Variants in TCF12 observed in about 807,000 individuals in gnomAD.
TCF12 encodes the protein DNA-binding protein HTF4.
A neutral mutation model predicts 86.0 loss-of-function variants in TCF12; 45 were observed. The ratio of observed to expected loss-of-function variants is 0.52; its 90% CI spans 0.41 to 0.67. The LOEUF (loss-of-function observed/expected upper bound fraction) is 0.67. Ranked by LOEUF, TCF12 falls within the 30% of genes least tolerant of loss-of-function variation. TCF12 has a pLI of 0.00. For missense variants in TCF12, 881 were observed against 859.9 expected (o/e 1.02, Z -0.31); for synonymous variants, 330 against 299.6 (o/e 1.10, Z -1.05).
At position 56,919,826 on chromosome 15, in the gene TCF12, C is replaced by G. The variant is rs778428257; in HGVS notation, c.-22-66C>G. The G allele has an allele frequency of 2.8e-6, 4 of 1,436,450 alleles. No individual in the cohort carries two copies. The Admixed American group carries it at 7.2e-5, about 26-fold the overall frequency. The allele number at this position is 1,436,450 out of a possible 1,614,324, so 89.0% of individuals were successfully genotyped here. A position where few individuals can be genotyped will look rare whatever the true frequency, so the allele number is the denominator to read the frequency against. ...TCTTGCGTAATCTTCCCCAGTACCTCTCTCTGTTCCCTCACACACTTTGGG... is the reference window on the plus strand; with the variant it reads ...TCTTGCGTAATCTTCCCCAGTACCTGTCTCTGTTCCCTCACACACTTTGGG... On this transcript the variant is annotated intron_variant, in intron 1 of 20. Coordinates refer to ENST00000333725, the MANE Select transcript of TCF12 (RefSeq NM_207037.2).
intron 3 of TCF12, among the ~76,000 whole-genome samples, chr15:56,981,242 A>C (rs1350794817): frequency 2.0e-5 from 3 of 152,220 alleles, no homozygotes; most frequent in African/African-American, 4.8e-5. Flanking sequence ...AAGAACAGAA[A>C]TGTATTCTTT....
At chr15:57,128,930 A>G (rs537548519) in intron 5 of TCF12, among the ~76,000 whole-genome samples, 53 of 152,288 alleles carry the variant, frequency 3.5e-4, no homozygotes, top group African/African-American at 1.2e-3. Flanking sequence ...TTATCTGTTC[A>G]TCAGTTGACT....
chr15:57,024,755 A>G (rs1462877149), intron 3 of TCF12, among the ~76,000 whole-genome samples: 1 of 152,214 alleles, frequency 6.6e-6, no homozygotes, highest in Admixed American at 6.5e-5. Context: ...GCCAATCAGT[A>G]ATATTGGCAG....
chr15:57,103,404 T>C (rs919208720), intron 5 of TCF12, among the ~76,000 whole-genome samples: 1 of 152,214 alleles, frequency 6.6e-6, no homozygotes, highest in African/African-American at 2.4e-5. Context: ...ATTGGGACCC[T>C]GCCTCTACAA....
chr15:57,184,747 C>A (rs1048003667), intron 6 of TCF12, among the ~76,000 whole-genome samples: 1 of 151,736 alleles, frequency 6.6e-6, no homozygotes, highest in African/African-American at 2.4e-5. Context: ...CCAGCCTGAG[C>A]AAAATAAAAG....
intron 6 of TCF12, among the ~76,000 whole-genome samples, chr15:57,184,050 T>G (rs910730710): frequency 1.3e-5 from 2 of 152,192 alleles, no homozygotes; most frequent in East Asian, 1.9e-4. Flanking sequence ...TTTACTCATC[T>G]GAAAGTTTAT....
intron 6 of TCF12, among the ~76,000 whole-genome samples, chr15:57,179,005 T>C (rs1461661517): frequency 6.6e-6 from 1 of 151,880 alleles, no homozygotes; most frequent in Non-Finnish European, 1.5e-5. Flanking sequence ...ATCTTCTCAT[T>C]GGCTGATAAA....
chr15:57,210,151 G>A (rs1252382341), intron 8 of TCF12, among the ~76,000 whole-genome samples: 1 of 151,888 alleles, frequency 6.6e-6, no homozygotes, highest in African/African-American at 2.4e-5. Flanking sequence ...ATAAAGCAGG[G>A]ATTTTATTTA....
chr15:57,218,607 A>C (rs1566932405), intron 8 of TCF12, among the ~76,000 whole-genome samples: 1 of 151,964 alleles, frequency 6.6e-6, no homozygotes, highest in Non-Finnish European at 1.5e-5. Context: ...GACTTATAGG[A>C]AACTGTTTAG....
At position 56,936,653 on chromosome 15, in the gene TCF12, G is replaced by A. The variant is rs558679518; in HGVS notation, c.148+15555G>A. Among the ~76,000 whole-genome samples, 4 of 152,258 alleles carry A rather than the reference G, an allele frequency of 2.6e-5. No individual in the cohort carries two copies. In the South Asian group the frequency reaches 6.2e-4, roughly 24 times the overall value. On this transcript the variant is annotated intron_variant, in intron 3 of 20. Coordinates refer to ENST00000333725, the MANE Select transcript of TCF12 (RefSeq NM_207037.2). ...TTTGATCCATCTTGAGTTGATTTTT[G>A]TATAAGGTATGAGATGAGGATCCAA...
chr15:57,159,566 C>T (rs1321424554), intron 5 of TCF12, among the ~76,000 whole-genome samples: 2 of 152,158 alleles, frequency 1.3e-5, no homozygotes, highest in Non-Finnish European at 2.9e-5. Context: ...CATATTGTTT[C>T]TCTGAAAAGT....
chr15:57,271,951 C>T (rs8037956), intron 18 of TCF12, among the ~76,000 whole-genome samples: 49,305 of 151,758 alleles, frequency 0.32, 9,422 homozygotes, highest in African/African-American at 0.52. Flanking sequence ...TCCTTATTCC[C>T]CTTGGTAGTG....
At chr15:57,004,236 TC>T (rs2064214580) in intron 3 of TCF12, among the ~76,000 whole-genome samples, 1 of 141,010 alleles carries the variant, frequency 7.1e-6, no homozygotes, top group African/African-American at 2.8e-5. Flanking sequence ...TTTCTTTCTT[TC>T]TTTTTTTTTT....
intron 18 of TCF12, among the ~76,000 whole-genome samples, chr15:57,270,730 C>G (rs1446801245): frequency 6.6e-6 from 1 of 152,100 alleles, no homozygotes; most frequent in Non-Finnish European, 1.5e-5. Context: ...ATGTTGGTGA[C>G]CTACGAATGG....
rs1166862090 is a variant in TCF12, at chr15:57,111,586, CTTTTTTTTTTTTT to C, written c.325+19706_325+19718del. Among the ~76,000 whole-genome samples the C allele has an allele frequency of 4.8e-3, 554 of 115,458 alleles. 1 individual carries two copies. The highest frequency in any genetic ancestry group is 7.6e-3 in the Non-Finnish European group (418 of 55,252). 75.7% of individuals were successfully genotyped at this position (115,458 alleles called of 152,430 possible). A position where few individuals can be genotyped will look rare whatever the true frequency, so the allele number is the denominator to read the frequency against. On this transcript the variant is annotated intron_variant, in intron 5 of 20. Transcript: ENST00000333725. ...GAATAGGTAGGTTTGGTTTGTTTAT[CTTTTTTTTTTTTT>C]TTTTTTTTTTAAGATAGGGTCTCAC...
At chr15:57,052,206 T>TA (rs1401654061) in intron 3 of TCF12, among the ~76,000 whole-genome samples, 8 of 152,218 alleles carry the variant, frequency 5.3e-5, no homozygotes, top group Non-Finnish European at 1.2e-4. Context: ...AGTGTGCTAA[T>TA]ATCAGGGGTT....
chr15:57,106,788 A>T (rs2050160726), intron 5 of TCF12, among the ~76,000 whole-genome samples: 1 of 152,250 alleles, frequency 6.6e-6, no homozygotes, highest in Non-Finnish European at 1.5e-5. Context: ...ACCCAGGAAG[A>T]TAATAATAAG....
At chr15:57,011,573 G>A (rs2064833658) in intron 3 of TCF12, among the ~76,000 whole-genome samples, 1 of 152,110 alleles carries the variant, frequency 6.6e-6, no homozygotes, top group South Asian at 2.1e-4. Flanking sequence ...TTTTACAAAA[G>A]CATCTCCACC....
intron 5 of TCF12, among the ~76,000 whole-genome samples, chr15:57,138,844 A>G (rs1254639977): frequency 6.6e-6 from 1 of 151,688 alleles, no homozygotes; most frequent in Non-Finnish European, 1.5e-5. Context: ...GTTTTCAGTT[A>G]TGAAGAGTTT....
Sources: allele counts gnomAD v4.1 joint callset (sites outside exome capture counted in the v4.1 genomes callset), GRCh38; gene constraint gnomAD v4.1.1; transcripts MANE v1.5; gene names NCBI Gene and HGNC (gene_info 2026-07-23, HGNC 2026-07-21).